KALRN: variants seen among roughly 807,000 people sequenced by gnomAD.
The protein encoded by KALRN is kalirin RhoGEF kinase, also known as kalirin.
In KALRN, 70 loss-of-function variants were observed where a neutral mutation model predicts 353.7. That is an observed-to-expected ratio of 0.20 (90% CI 0.16 to 0.24). The LOEUF (loss-of-function observed/expected upper bound fraction) is 0.24. Among genes scored for constraint, KALRN ranks in the 10% least tolerant of loss-of-function variants. The pLI is 1.00. For synonymous variants in KALRN, 1,391 were observed against 1,434.8 expected (o/e 0.97, Z 0.69); for missense variants, 2,791 against 3,756.7 (o/e 0.74, Z 6.72).
intron 5 of KALRN, among the ~76,000 whole-genome samples, chr3:124,290,661 G>A (rs548619105): frequency 1.3e-5 from 2 of 152,234 alleles, no homozygotes; most frequent in East Asian, 3.9e-4. Flanking sequence ...ATTTCTTGGT[G>A]CCTTAGTTTC....
At chr3:124,048,444 A>T (rs2149128153) in intron 1 of KALRN, among the ~76,000 whole-genome samples, 1 of 152,100 alleles carries the variant, frequency 6.6e-6, no homozygotes, top group Admixed American at 6.5e-5. Context: ...ATCATTTTAT[A>T]ATCATGGACA....
chr3:124,437,689 CAAAAAAAAAAAAAA>C (rs397876079), intron 17 of KALRN, among the ~76,000 whole-genome samples: 4 of 48,328 alleles, frequency 8.3e-5, no homozygotes, highest in African/African-American at 1.7e-4. Context: ...GATTCCGTCT[CAAAAAAAAAAAAAA>C]AAAAAAAAAA....
intron 28 of KALRN, among the ~76,000 whole-genome samples, chr3:124,485,429 C>T (rs765168491): frequency 6.6e-6 from 1 of 152,170 alleles, no homozygotes; most frequent in African/African-American, 2.4e-5. Context: ...ATGGAATAGG[C>T]TTGTGTTTTG....
At chr3:124,178,245 T>A (rs1416837516) in intron 1 of KALRN, among the ~76,000 whole-genome samples, 3 of 152,234 alleles carry the variant, frequency 2.0e-5, no homozygotes, top group Non-Finnish European at 4.4e-5. Flanking sequence ...CCGTGGATAG[T>A]ACCAAACCCT....
chr3:124,284,322 C>T (rs188512236), intron 5 of KALRN, among the ~76,000 whole-genome samples: 1 of 152,348 alleles, frequency 6.6e-6, no homozygotes, highest in Non-Finnish European at 1.5e-5. Flanking sequence ...CTATCTCCTA[C>T]TATGGCTTCT....
intron 57 of KALRN, among the ~76,000 whole-genome samples, chr3:124,707,183 A>G (rs1031594733): frequency 6.6e-6 from 1 of 152,012 alleles, no homozygotes; most frequent in Admixed American, 6.6e-5. Flanking sequence ...TACAAAAAAT[A>G]AAAGAAAAAA....
chr3:124,289,178 T>TGG (rs146899658), intron 5 of KALRN, among the ~76,000 whole-genome samples: 14 of 151,840 alleles, frequency 9.2e-5, no homozygotes, highest in African/African-American at 2.9e-4. Flanking sequence ...AATTCCATCA[T>TGG]GGGGGGGGTC....
intron 37 of KALRN, among the ~76,000 whole-genome samples, chr3:124,639,544 C>G (rs1312217187): frequency 2.6e-5 from 4 of 152,186 alleles, no homozygotes; most frequent in Non-Finnish European, 4.4e-5. Context: ...CCCACTACTA[C>G]TGCTAAGCTT....
At chr3:124,191,017 T>G (rs986658014) in intron 1 of KALRN, among the ~76,000 whole-genome samples, 8 of 152,208 alleles carry the variant, frequency 5.3e-5, no homozygotes, top group South Asian at 2.1e-4. Context: ...GTTAATTTGC[T>G]GGAGTGCCTC....
At chr3:124,510,569 A>T (rs1333547819) in intron 33 of KALRN, among the ~76,000 whole-genome samples, 1 of 151,852 alleles carries the variant, frequency 6.6e-6, no homozygotes, top group Non-Finnish European at 1.5e-5. Context: ...GTTTATCCTC[A>T]CCTTGATGCG....
chr3:124,418,157 A>AT (rs11418359), intron 14 of KALRN, among the ~76,000 whole-genome samples: 66,570 of 150,768 alleles, frequency 0.44, 14,910 homozygotes, highest in East Asian at 0.54. Flanking sequence ...TTTTATTTTT[A>AT]TTTTTTTTTC....
intron 1 of KALRN, among the ~76,000 whole-genome samples, chr3:124,079,683 C>T (rs146834615): frequency 5.9e-5 from 9 of 152,280 alleles, no homozygotes; most frequent in Middle Eastern, 3.4e-3. Flanking sequence ...TAAAACCCAA[C>T]GTCTTTTTAT....
In KALRN at chr3:124,659,417, A is replaced by G. The variant is rs2084527666; in HGVS notation, c.6176A>G (p.Lys2059Arg). 1.2e-6 allele frequency: 2 copies of G among 1,613,838 alleles called. No homozygotes were observed. The highest frequency in any genetic ancestry group is 1.7e-6 in the Non-Finnish European group (2 of 1,179,832). ...CTGACACTGAGTGACTTCCTCATCA[A>G]GCCCATTCAGAGAATAACAAAATAC... ...QRLTLSDFLI[K>R]PIQRITKYQL... Residue 2059 changes from lysine (K) to arginine (R), a missense_variant, in exon 43 of 60, where the codon AAG becomes AGG. Lys to Arg is a conservative substitution (Grantham distance 26). Transcript: ENST00000682506.
At position 124,087,809 on chromosome 3, in the gene KALRN, A is replaced by G. The variant is rs1025293201; in HGVS notation, c.73+53996A>G. On this transcript the variant is annotated intron_variant, in intron 1 of 59. Transcript: ENST00000682506. ...TTCCATGTAGCTTAGCCTTCTCACA[A>G]CAAAGCAGCTAGATGCCAAGAACAG... 2.6e-5 allele frequency among the ~76,000 whole-genome samples: 4 copies of G among 152,156 alleles called. No homozygotes were observed. The South Asian group carries it at 8.3e-4, about 32-fold the overall frequency.
intron 5 of KALRN, among the ~76,000 whole-genome samples, chr3:124,293,030 A>C (rs1331281412): frequency 6.6e-6 from 1 of 152,166 alleles, no homozygotes; most frequent in Non-Finnish European, 1.5e-5. Flanking sequence ...ACACTCATAC[A>C]ATTTTATTTT....
chr3:124,631,413 A>G (rs1196122373), intron 34 of KALRN, among the ~76,000 whole-genome samples: 1 of 151,810 alleles, frequency 6.6e-6, no homozygotes, highest in Non-Finnish European at 1.5e-5. Context: ...AAACTCCTAT[A>G]TTTCCTCCCT....
rs775081836 is a variant in KALRN at position 124,413,594 on chromosome 3, A to G, written c.2471A>G (p.Asn824Ser). Reference protein sequence around the residue: ...QRHTERKLAMNNMTFEVIQQG... With the variant: ...QRHTERKLAMSNMTFEVIQQG... The stretch of plus-strand genomic sequence containing the variant: ...CACACAGAACGGAAGCTAGCCATGA[A>G]CAACATGACCTTTGAGGTTATCCAG... Residue 824 changes from asparagine to serine, a missense_variant, in exon 14 of 60, where the codon AAC becomes AGC. Asn to Ser is a conservative substitution (Grantham distance 46). Around this residue, in one of 11 missense-constraint regions of KALRN, gnomAD observed 452 missense variants for 575.8 expected, o/e 0.78. Transcript: ENST00000682506. 4.6e-5 allele frequency: 74 copies of G among 1,614,012 alleles called. No individual in the cohort carries two copies. Among genetic ancestry groups the G allele is most frequent in the Non-Finnish European group, 6.0e-5 (71 of 1,180,018 alleles).
At chr3:124,283,670 G>T (rs2075560339) in intron 5 of KALRN, among the ~76,000 whole-genome samples, 3 of 152,172 alleles carry the variant, frequency 2.0e-5, no homozygotes, top group Admixed American at 2.0e-4. Context: ...CTTATTTAAA[G>T]TCTGAAAATA....
chr3:124,469,755 C>T (rs1367858633), intron 25 of KALRN, among the ~76,000 whole-genome samples: 4 of 152,170 alleles, frequency 2.6e-5, no homozygotes, highest in African/African-American at 7.2e-5. Flanking sequence ...CCACCTCTGG[C>T]GTTCCAACAA....
Sources: gnomAD v4.1 joint callset for allele counts (sites outside exome capture counted in the v4.1 genomes callset) on GRCh38, gnomAD v4.1.1 for gene constraint, gnomAD v4.1.1 regional missense constraint, MANE v1.5 for transcripts, NCBI Gene and HGNC (gene_info 2026-07-23, HGNC 2026-07-21) for gene names.